HPGDS: variants seen among roughly 807,000 people sequenced by gnomAD.
HPGDS encodes the protein hematopoietic prostaglandin D synthase.
In HPGDS, 26 loss-of-function variants were observed where a neutral mutation model predicts 23.1. That is an observed-to-expected ratio of 1.13 (90% CI 0.83 to 1.56). The LOEUF (loss-of-function observed/expected upper bound fraction) is 1.56, where lower values mean the gene tolerates loss of function less well. Ranked by LOEUF, HPGDS falls within the 40% of genes most tolerant of loss-of-function variation. The pLI, the probability that HPGDS is intolerant of heterozygous loss-of-function variation, is 0.00. For missense variants in HPGDS, 268 were observed against 236.4 expected, an observed-to-expected ratio of 1.13 and a Z score of -0.88; for synonymous variants, 95 against 77.9, an observed-to-expected ratio of 1.22 and a Z score of -1.16.
chr4:94,303,851 C>T (rs1756091437), intron 4 of HPGDS: 1 of 152,136 alleles, frequency 6.6e-6, no homozygotes, highest in Admixed American at 6.6e-5. Flanking sequence ...TCAAATAAAA[C>T]TCTTATATCT....
At chr4:94,312,171 C>T (rs1335472089) in intron 3 of HPGDS, among the ~76,000 whole-genome samples, 13 of 151,924 alleles carry the variant, frequency 8.6e-5, no homozygotes, top group African/African-American at 3.1e-4. Flanking sequence ...TATTTCTTGC[C>T]TTCTGCTAGC....
intron 3 of HPGDS, among the ~76,000 whole-genome samples, chr4:94,317,667 G>T (rs1329680550): frequency 6.6e-6 from 1 of 152,150 alleles, no homozygotes; most frequent in Non-Finnish European, 1.5e-5. Context: ...AAAAGCAGGA[G>T]GCGATATAAA....
intron 3 of HPGDS, among the ~76,000 whole-genome samples, chr4:94,312,887 G>C (rs12512385): frequency 6.6e-6 from 1 of 151,406 alleles, no homozygotes; most frequent in Admixed American, 6.6e-5. Context: ...TTACCATTAT[G>C]TAATGGCCTT....
intron 4 of HPGDS, among the ~76,000 whole-genome samples, chr4:94,307,536 A>C (rs901615): frequency 0.36 from 54,115 of 151,970 alleles, 10,577 homozygotes; most frequent in East Asian, 0.69. Flanking sequence ...AGAAGGCAGC[A>C]TCCAGGAACA....
chr4:94,342,080 G>T (rs1047269112), intron 1 of HPGDS, among the ~76,000 whole-genome samples: 1 of 151,924 alleles, frequency 6.6e-6, no homozygotes. Flanking sequence ...GACTGAGTAA[G>T]ATATTGATTT....
chr4:94,317,914 T>C lies in HPGDS; in HGVS notation c.185A>G (p.His62Arg), dbSNP rs766349696. 7 of 1,612,336 alleles carry C rather than the reference T, an allele frequency of 4.3e-6. No homozygotes were observed. The highest frequency in any genetic ancestry group is 5.9e-6 in the Non-Finnish European group (7 of 1,179,178). Reference sequence around the variant, plus strand: ...ATATCTTGCTATTGCTAGGCTCTGGTGAAGAGTAAGTCCATCAACTTCCAA... The same window carrying C: ...ATATCTTGCTATTGCTAGGCTCTGGCGAAGAGTAAGTCCATCAACTTCCAA... The part of the protein sequence containing the change: ...PILEVDGLTL[H>R]QSLAIARYLT... Residue 62 changes from histidine (H) to arginine (R), a missense_variant, in exon 3 of 6, where the codon CAC becomes CGC. Physicochemically the swap from His to Arg is conservative, Grantham distance 29 (BLOSUM62 0). Coordinates refer to ENST00000295256, the MANE Select transcript of HPGDS (RefSeq NM_014485.3).
intron 3 of HPGDS, among the ~76,000 whole-genome samples, chr4:94,311,508 A>T (rs1349582346): frequency 6.6e-6 from 1 of 151,296 alleles, no homozygotes; most frequent in Non-Finnish European, 1.5e-5. Flanking sequence ...ATGGTGGATA[A>T]GGTTTTTGAT....
Position 94,319,274 on chromosome 4 carries a change from C to A in HPGDS, c.134-1309G>T, listed in dbSNP as rs185506358. Among the ~76,000 whole-genome samples the A allele has an allele frequency of 3.5e-3, 534 of 152,226 alleles. 3 individuals are homozygous for A. In the Middle Eastern group the frequency reaches 0.054, roughly 16 times the overall value. On this transcript the variant is annotated intron_variant, in intron 2 of 5. Transcript: ENST00000295256. ...TGACCACTTTATTATTATATAATGA[C>A]TTTTTCTCTTTTTACATTTTTTACT... is the stretch of plus-strand genomic sequence containing the variant.
chr4:94,301,356 T>A (rs1756037273), intron 5 of HPGDS, among the ~76,000 whole-genome samples: 1 of 152,210 alleles, frequency 6.6e-6, no homozygotes, highest in Non-Finnish European at 1.5e-5. Context: ...TTGTGATTAT[T>A]GATGGTCCAT....
At chr4:94,315,264 A>T (rs899661455) in intron 3 of HPGDS, among the ~76,000 whole-genome samples, 7 of 152,284 alleles carry the variant, frequency 4.6e-5, no homozygotes, top group Middle Eastern at 3.4e-3. Context: ...AGCTGTTCCT[A>T]TTCAGTCATC....
At chr4:94,307,637 A>G (rs1284371331) in intron 4 of HPGDS, among the ~76,000 whole-genome samples, 1 of 152,186 alleles carries the variant, frequency 6.6e-6, no homozygotes, top group African/African-American at 2.4e-5. Context: ...AGAACTCCAC[A>G]AAGAATGGAA....
intron 2 of HPGDS, among the ~76,000 whole-genome samples, chr4:94,323,544 G>T (rs1224152096): frequency 4.6e-5 from 7 of 152,086 alleles, no homozygotes; most frequent in Non-Finnish European, 1.0e-4. Flanking sequence ...TTTGATTTAA[G>T]TTGGTTTAAA....
intron 2 of HPGDS, among the ~76,000 whole-genome samples, chr4:94,323,525 T>C (rs149613895): frequency 0.013 from 1,921 of 152,292 alleles, 42 homozygotes; most frequent in African/African-American, 0.044. Context: ...AATGGCCTTC[T>C]TTATCTCTTT....
rs554555774 is a variant in HPGDS at position 94,298,858 on chromosome 4, G to A, written c.*622C>T. Reference sequence around the variant, plus strand: ...TTTCATTCCAGGATTATCAGTTTTTGTTCCTTTGCTGCACTTTCATCTTTG... The same window carrying A: ...TTTCATTCCAGGATTATCAGTTTTTATTCCTTTGCTGCACTTTCATCTTTG... On this transcript the variant is annotated 3_prime_UTR_variant, in exon 6 of 6. Transcript: ENST00000295256. 2 of 152,202 alleles carry A rather than the reference G, an allele frequency of 1.3e-5. No individual in the cohort carries two copies. The highest frequency in any genetic ancestry group is 2.1e-4 in the South Asian group (1 of 4,818). The allele number at this position is 152,202 out of a possible 1,614,324, so 9.4% of individuals were successfully genotyped here. A position where few individuals can be genotyped will look rare whatever the true frequency, so the allele number is the denominator to read the frequency against.
intron 3 of HPGDS, among the ~76,000 whole-genome samples, chr4:94,313,126 AG>A: frequency 6.6e-6 from 1 of 152,310 alleles, no homozygotes. Flanking sequence ...TGGAGCATTT[AG>A]GCCATTTACA....
At chr4:94,327,979 C>T (rs1438850009) in intron 2 of HPGDS, among the ~76,000 whole-genome samples, 1 of 152,210 alleles carries the variant, frequency 6.6e-6, no homozygotes, top group Non-Finnish European at 1.5e-5. Flanking sequence ...GTGTAGGACA[C>T]AGCACAAACT....
chr4:94,310,957 G>C (rs1756255513), intron 3 of HPGDS, among the ~76,000 whole-genome samples: 1 of 151,832 alleles, frequency 6.6e-6, no homozygotes, highest in Non-Finnish European at 1.5e-5. Flanking sequence ...TGGTGTATAA[G>C]AATACTTGTG....
At chr4:94,320,616 T>A (rs1047761849) in intron 2 of HPGDS, among the ~76,000 whole-genome samples, 11 of 152,188 alleles carry the variant, frequency 7.2e-5, no homozygotes, top group Non-Finnish European at 1.3e-4. Context: ...GTTGTTTGAT[T>A]TTTTCTTGTA....
In HPGDS at chr4:94,302,173, C is replaced by T; in HGVS notation, c.408G>A (p.Gly136=). 6.2e-7 allele frequency: 1 copy of T among 1,611,722 alleles called. No individual in the cohort carries two copies. The highest frequency in any genetic ancestry group is 8.5e-7 in the Non-Finnish European group (1 of 1,178,288). Residue 136 remains glycine, a synonymous_variant, in exon 5 of 6, where the codon GGG becomes GGA. Coordinates refer to ENST00000295256, the MANE Select transcript of HPGDS (RefSeq NM_014485.3). The stretch of plus-strand genomic sequence containing the variant: ...AGTTACCAATAAGCCATTCTCTCCC[C>T]CCTAAATATGTGTCCAAGTCTTGCA... The part of the protein sequence containing the change: ...HLMQDLDTYL[G]GREWLIGNSV...
Sources: allele counts gnomAD v4.1 joint callset (sites outside exome capture counted in the v4.1 genomes callset), GRCh38; gene constraint gnomAD v4.1.1; transcripts MANE v1.5; gene names NCBI Gene and HGNC (gene_info 2026-07-23, HGNC 2026-07-21).